Variants in PCNX2 observed in about 807,000 individuals in gnomAD.
The protein encoded by PCNX2 is pecanex 2, also known as pecanex-like protein 2.
In PCNX2, 168 loss-of-function variants were observed where a neutral mutation model predicts 223.8. The observed-to-expected ratio is 0.75, with a 90% CI of 0.66 to 0.85. The LOEUF is 0.85. PCNX2 is among the 40% of genes least tolerant of loss of function. The pLI, the probability that PCNX2 is intolerant of heterozygous loss-of-function variation, is 0.00. For missense variants in PCNX2, 2,507 were observed against 2,675.5 expected (o/e 0.94, Z 1.39); for synonymous variants, 1,006 against 1,052.6 (o/e 0.96, Z 0.86).
chr1:233,166,194 A>G (rs1052240524), intron 17 of PCNX2, among the ~76,000 whole-genome samples: 1 of 149,980 alleles, frequency 6.7e-6, no homozygotes, highest in Admixed American at 6.7e-5. Flanking sequence ...TAAATAAATA[A>G]ATAAATAAAT....
chr1:233,217,444 C>T lies in PCNX2; in HGVS notation c.2691+455G>A, dbSNP rs146209206. Among the ~76,000 whole-genome samples the T allele has an allele frequency of 6.9e-3, 1,044 of 152,246 alleles. 12 individuals carry two copies. The highest frequency in any genetic ancestry group is 0.048 in the Middle Eastern group (14 of 292). ...CTATGTGTCAGGTACTGTTATAGCA[C>T]ATTAAATGGATTATTTAATCCATGT... is the stretch of plus-strand genomic sequence containing the variant. On this transcript the variant is annotated intron_variant, in intron 12 of 33. Transcript: ENST00000258229.
At position 232,999,582 on chromosome 1, in the gene PCNX2, T is replaced by C. The variant is rs1670006651; in HGVS notation, c.5329-203A>G. ...AATTCTCTTGCCTCAGCCTCCCGAGTAGCTGGAATTACAGGCATGTGCCAA... is the reference window on the plus strand; with the variant it reads ...AATTCTCTTGCCTCAGCCTCCCGAGCAGCTGGAATTACAGGCATGTGCCAA... On this transcript the variant is annotated intron_variant, in intron 30 of 33. Transcript: ENST00000258229. 9.0e-6 allele frequency: 5 copies of C among 558,628 alleles called. No individual in the cohort carries two copies. The South Asian group carries it at 1.1e-4, about 13-fold the overall frequency. The allele number at this position is 558,628 out of a possible 1,614,324, so 34.6% of individuals were successfully genotyped here. A position where few individuals can be genotyped will look rare whatever the true frequency, so the allele number is the denominator to read the frequency against.
the PCNX2 span, among the ~76,000 whole-genome samples, chr1:233,326,963 A>T: frequency 6.6e-6 from 1 of 152,116 alleles, no homozygotes; most frequent in Admixed American, 6.5e-5. Context: ...CTGGGACTAT[A>T]CCGACCACGG....
chr1:233,242,045 T>C (rs1038598124), intron 8 of PCNX2, among the ~76,000 whole-genome samples: 1 of 152,118 alleles, frequency 6.6e-6, no homozygotes, highest in Non-Finnish European at 1.5e-5. Flanking sequence ...TTTGTTGAGA[T>C]AAGGGTCAGA....
intron 5 of PCNX2, among the ~76,000 whole-genome samples, chr1:233,255,798 A>G (rs370581543): frequency 6.6e-6 from 1 of 152,192 alleles, no homozygotes; most frequent in Non-Finnish European, 1.5e-5. Flanking sequence ...TAAGCTGCTA[A>G]TATCATTAAA....
At chr1:233,321,367 G>A in the PCNX2 span, among the ~76,000 whole-genome samples, 2 of 151,566 alleles carry the variant, frequency 1.3e-5, no homozygotes, top group African/African-American at 2.4e-5. Context: ...ACATGATCTC[G>A]GCCCACTGCA....
rs775218559 is a variant in PCNX2, at chr1:233,200,177, T to C, written c.2951A>G (p.Asp984Gly). 23 of 1,589,756 alleles carry C rather than the reference T, an allele frequency of 1.4e-5. No homozygotes were observed. The highest frequency in any genetic ancestry group is 4.6e-5 in the South Asian group (4 of 86,712). Residue 984 changes from aspartate to glycine, a missense_variant, in exon 14 of 34, where the codon GAC becomes GGC. Coordinates refer to ENST00000258229, the MANE Select transcript of PCNX2 (RefSeq NM_014801.4). ...TFCTYLLEQI[D>G]MLFFGGSAVS... is the part of the protein sequence containing the mutation. ...ACCAGAACCACCAAAAAACAGCATG[T>C]CAATTTGCTCCAAAAGATAAGTGCA...
At chr1:233,227,715 T>C (rs1322017345) in intron 9 of PCNX2, among the ~76,000 whole-genome samples, 1 of 152,194 alleles carries the variant, frequency 6.6e-6, no homozygotes, top group Non-Finnish European at 1.5e-5. Context: ...AAAGTAGGAA[T>C]TCAATAAAAG....
chr1:233,119,446 G>A (rs559371583), intron 21 of PCNX2, among the ~76,000 whole-genome samples: 6 of 141,896 alleles, frequency 4.2e-5, no homozygotes, highest in South Asian at 2.3e-4. Flanking sequence ...ATTGCCGGGC[G>A]TGGTGGTGGG....
chr1:233,132,734 A>G (rs1676571516), intron 21 of PCNX2, among the ~76,000 whole-genome samples: 1 of 152,106 alleles, frequency 6.6e-6, no homozygotes, highest in Admixed American at 6.5e-5. Flanking sequence ...GTTCTACTTA[A>G]CTTTTTTCAG....
chr1:233,161,689 T>C (rs2102823238), intron 17 of PCNX2, among the ~76,000 whole-genome samples: 1 of 152,234 alleles, frequency 6.6e-6, no homozygotes, highest in South Asian at 2.1e-4. Flanking sequence ...GGTTCTTGTA[T>C]CTGATCTGTG....
chr1:233,092,782 A>G (rs1276692940), intron 22 of PCNX2, among the ~76,000 whole-genome samples: 2 of 151,992 alleles, frequency 1.3e-5, no homozygotes, highest in Non-Finnish European at 2.9e-5. Flanking sequence ...AACATCAATT[A>G]TTTGTTTTGT....
chr1:233,283,386 T>G (rs1224031088), intron 1 of PCNX2, among the ~76,000 whole-genome samples: 1 of 152,208 alleles, frequency 6.6e-6, no homozygotes, highest in Non-Finnish European at 1.5e-5. Flanking sequence ...GGTTTCCAAA[T>G]GTAATTCCCC....
intron 9 of PCNX2, among the ~76,000 whole-genome samples, chr1:233,228,989 G>C (rs1338149178): frequency 1.3e-5 from 2 of 152,230 alleles, no homozygotes; most frequent in Non-Finnish European, 1.5e-5. Context: ...ATGGGACAAA[G>C]AGCAGCGGTG....
chr1:232,999,506 T>A, intron 30 of PCNX2, 127 bp from the exon 31 acceptor site: 26 of 1,083,770 alleles, frequency 2.4e-5, no homozygotes, highest in Non-Finnish European at 3.3e-5. Flanking sequence ...CAGGCTGGAG[T>A]GCAATGGTGC....
intron 1 of PCNX2, among the ~76,000 whole-genome samples, chr1:233,273,776 A>G (rs1660773042): frequency 6.6e-6 from 1 of 152,060 alleles, no homozygotes; most frequent in Non-Finnish European, 1.5e-5. Context: ...GGCGCCTGCC[A>G]CTACGCCCAG....
chr1:233,065,990 T>C (rs370818264), intron 23 of PCNX2, among the ~76,000 whole-genome samples: 5 of 152,200 alleles, frequency 3.3e-5, no homozygotes, highest in Non-Finnish European at 7.3e-5. Flanking sequence ...TTTCAGCCAA[T>C]TGAATGGTGC....
intron 10 of PCNX2, 59 bp downstream of exon 10, chr1:233,227,167 G>C: frequency 6.6e-7 from 1 of 1,507,878 alleles, no homozygotes; most frequent in Admixed American, 2.1e-5. Context: ...GCATGCAGTG[G>C]GCACTGTCAC....
chr1:233,010,861 A>G (rs898123642), intron 28 of PCNX2, among the ~76,000 whole-genome samples: 2 of 152,174 alleles, frequency 1.3e-5, no homozygotes, highest in Non-Finnish European at 2.9e-5. Context: ...TTTTGCATGC[A>G]TATATTTTTC....
Sources: allele counts gnomAD v4.1 joint callset (sites outside exome capture counted in the v4.1 genomes callset), GRCh38; gene constraint gnomAD v4.1.1; transcripts MANE v1.5; gene names NCBI Gene and HGNC (gene_info 2026-07-23, HGNC 2026-07-21).